The following WNT4 variants were observed in gnomAD, a reference collection of about 807,000 sequenced individuals.
WNT4 encodes Wnt family member 4, also known as protein Wnt-4.
Under a neutral mutation model 34.5 loss-of-function variants are expected in WNT4, and 16 were observed. The observed-to-expected ratio is 0.46, with a 90% CI of 0.31 to 0.70. WNT4 has a LOEUF of 0.70. Among genes scored for constraint, WNT4 ranks in the 30% least tolerant of loss-of-function variants. WNT4 has a pLI of 0.04. For missense variants in WNT4, 379 were observed against 495.9 expected, an observed-to-expected ratio of 0.76 and a Z score of 2.24; for synonymous variants, 200 against 211.9, an observed-to-expected ratio of 0.94 and a Z score of 0.49.
rs1252941062 is a variant in WNT4 at position 22,118,193 on chromosome 1, A to G, written c.*1857T>C. ...GAGGCACAAACCACAATGCCTGGAGAAGAGTTTCTGCAGGCTGGAGCCCAT... is the reference window on the plus strand; with the variant it reads ...GAGGCACAAACCACAATGCCTGGAGGAGAGTTTCTGCAGGCTGGAGCCCAT... On this transcript the variant is annotated 3_prime_UTR_variant, in exon 5 of 5. Coordinates refer to ENST00000290167, the MANE Select transcript of WNT4 (RefSeq NM_030761.5). The G allele has an allele frequency of 6.6e-6, 1 of 152,194 alleles. No homozygotes were observed. The highest frequency in any genetic ancestry group is 2.4e-5 in the African/African-American group (1 of 41,446). 9.4% of individuals were successfully genotyped at this position (152,194 alleles called of 1,614,324 possible). A position where few individuals can be genotyped will look rare whatever the true frequency, so the allele number is the denominator to read the frequency against.
At chr1:22,123,683 G>C (rs1645919443) in intron 2 of WNT4, among the ~76,000 whole-genome samples, 1 of 152,186 alleles carries the variant, frequency 6.6e-6, no homozygotes, top group South Asian at 2.1e-4. Context: ...GGAAGTGGTG[G>C]AGCTAGAATT....
At chr1:22,121,188 G>C (rs1440729684) in intron 4 of WNT4, 23 bp downstream of exon 4, 8 of 1,613,472 alleles carry the variant, frequency 5.0e-6, no homozygotes, top group Non-Finnish European at 5.9e-6. Context: ...CCCCGCTCTT[G>C]GTGGGGGGTA....
At chr1:22,129,897 T>C (rs1645970093) in intron 1 of WNT4, 46 bp from the exon 2 acceptor site, 7 of 1,604,834 alleles carry the variant, frequency 4.4e-6, no homozygotes, top group Non-Finnish European at 6.0e-6. Context: ...TCCTCATCTT[T>C]CCTGGCCCCG....
chr1:22,136,268 C>T (rs571998939), intron 1 of WNT4, among the ~76,000 whole-genome samples: 65 of 152,286 alleles, frequency 4.3e-4, no homozygotes, highest in African/African-American at 1.5e-3. Context: ...GGTCTGACCT[C>T]ACCTTGTCCC....
rs907113647 is a variant in WNT4 at position 22,118,170 on chromosome 1, G to A, written c.*1880C>T. The A allele has an allele frequency of 1.3e-5, 2 of 152,234 alleles. No homozygotes were observed. Among genetic ancestry groups the A allele is most frequent in the African/African-American group, 4.8e-5 (2 of 41,460 alleles). The allele number at this position is 152,234 out of a possible 1,614,324, so 9.4% of individuals were successfully genotyped here. On this transcript the variant is annotated 3_prime_UTR_variant, in exon 5 of 5. Transcript: ENST00000290167. ...TTTCATGAGGGAGCCAACACTAGGA[G>A]GCACAAACCACAATGCCTGGAGAAG...
chr1:22,129,482 C>T, intron 2 of WNT4, 134 bp downstream of exon 2: 1 of 1,096,836 alleles, frequency 9.1e-7, no homozygotes, highest in East Asian at 2.6e-5. Context: ...TTTATGCCCT[C>T]ACTTGGGTCC....
At chr1:22,121,679 C>G (rs1261209570) in intron 2 of WNT4, 103 bp from the exon 3 acceptor site, 2 of 1,530,982 alleles carry the variant, frequency 1.3e-6, no homozygotes, top group Non-Finnish European at 1.8e-6. Flanking sequence ...TTGCTGGAGG[C>G]CAGGAGGGAG....
intron 2 of WNT4, chr1:22,127,516 G>A (rs1220967515): frequency 1.9e-6 from 1 of 521,730 alleles, no homozygotes; most frequent in Non-Finnish European, 3.9e-6. Context: ...CATGAACCTT[G>A]CCTTCAAAGG....
intron 2 of WNT4, among the ~76,000 whole-genome samples, chr1:22,126,534 C>G (rs1195776132): frequency 6.6e-6 from 1 of 152,194 alleles, no homozygotes; most frequent in African/African-American, 2.4e-5. Flanking sequence ...AACTCAGTGT[C>G]ACGAGGATGA....
At chr1:22,122,585 A>G (rs1365429629) in intron 2 of WNT4, among the ~76,000 whole-genome samples, 1 of 152,034 alleles carries the variant, frequency 6.6e-6, no homozygotes, top group Non-Finnish European at 1.5e-5. Context: ...ACAGCAGACC[A>G]TGCTCCCCTC....
At chr1:22,138,005 C>CACCT (rs1646035792) in intron 1 of WNT4, among the ~76,000 whole-genome samples, 2 of 152,206 alleles carry the variant, frequency 1.3e-5, no homozygotes, top group Admixed American at 6.5e-5. Flanking sequence ...ATCGGCTGAG[C>CACCT]ACCTAGTACC....
intron 1 of WNT4, among the ~76,000 whole-genome samples, chr1:22,133,998 A>ATCTGCACCTCTGCGACTCC (rs1646002868): frequency 1.3e-5 from 2 of 152,250 alleles, no homozygotes; most frequent in African/African-American, 4.8e-5. Context: ...CTAGAGGAAA[A>ATCTGCACCTCTGCGACTCC]TCTGCACCTC....
intron 4 of WNT4, among the ~76,000 whole-genome samples, chr1:22,121,000 TG>T (rs1262862739): frequency 1.3e-5 from 2 of 152,006 alleles, no homozygotes; most frequent in Non-Finnish European, 2.9e-5. Flanking sequence ...GCCATATGTA[TG>T]GAGGGGGCCA....
At chr1:22,127,482 C>T (rs2235527) in intron 2 of WNT4, 3 of 531,806 alleles carry the variant, frequency 5.6e-6, no homozygotes, top group Non-Finnish European at 1.2e-5. Flanking sequence ...GCTTTGCCAC[C>T]TGCCAAGAAA....
Position 22,134,325 on chromosome 1 carries a change from G to T in WNT4, c.78-4474C>A, listed in dbSNP as rs967870016. On this transcript the variant is annotated intron_variant, in intron 1 of 4. Transcript: ENST00000290167. The surrounding 1 kb of genome is among the most constrained non-coding windows in gnomAD (Gnocchi z 4.1). Reference sequence around the variant, plus strand: ...GCTGCCTTGGGGGATGCGGGCCAGTGGGGGCGAAAGTGACCACAGTCCCCA... The same window carrying T: ...GCTGCCTTGGGGGATGCGGGCCAGTTGGGGCGAAAGTGACCACAGTCCCCA... Among the ~76,000 whole-genome samples the T allele has an allele frequency of 1.3e-5, 2 of 152,188 alleles. No homozygotes were observed. Among genetic ancestry groups the T allele is most frequent in the Non-Finnish European group, 1.5e-5 (1 of 68,024 alleles).
intron 1 of WNT4, among the ~76,000 whole-genome samples, chr1:22,131,683 A>G (rs1258078483): frequency 6.6e-6 from 1 of 152,230 alleles, no homozygotes; most frequent in Non-Finnish European, 1.5e-5. Context: ...CCTGGCTGTC[A>G]GCTGGGCACA....
chr1:22,119,731 C>T lies in WNT4; in HGVS notation c.*319G>A, dbSNP rs1645878320. The T allele has an allele frequency of 4.3e-6, 2 of 468,780 alleles. No individual in the cohort carries two copies. Among genetic ancestry groups the T allele is most frequent in the Non-Finnish European group, 7.9e-6 (2 of 254,726 alleles). 29.0% of individuals were successfully genotyped at this position (468,780 alleles called of 1,614,324 possible). Reference sequence around the variant, plus strand: ...TGTGGTGGTAATACTCCTTGTTACTCCACCTTAGGTCTGCAAGTAGAAAAA... The same window carrying T: ...TGTGGTGGTAATACTCCTTGTTACTTCACCTTAGGTCTGCAAGTAGAAAAA... On this transcript the variant is annotated 3_prime_UTR_variant, in exon 5 of 5. Transcript: ENST00000290167.
At position 22,142,846 on chromosome 1, in the gene WNT4, A is replaced by T; in HGVS notation, c.77T>A (p.Leu26Gln). ...CCCGCTCGGCCCCGGCCAGACTTAC[A>T]GCCAGTTGCTCGCGGCGGCTGAGAA... The part of the protein sequence containing the change: ...AVFSAAASNW[L>Q]YLAKLSSVGS... The change falls in exon 1 of 5, where the codon CTG becomes CAG. Residue 26 changes from leucine (L) to glutamine (Q), a missense_variant and splice_region_variant. This residue lies in a region of WNT4 where 66 missense variants were observed against 50.1 expected (regional missense o/e 1.32). Transcript: ENST00000290167. This position sits in a 1 kb window ranked among gnomAD's most constrained non-coding sequence, Gnocchi z 6.0. 8.3e-7 allele frequency: 1 copy of T among 1,209,596 alleles called. No individual in the cohort carries two copies. Among genetic ancestry groups the T allele is most frequent in the Non-Finnish European group, 1.1e-6 (1 of 945,954 alleles). The allele number at this position is 1,209,596 out of a possible 1,614,324, so 74.9% of individuals were successfully genotyped here. A position where few individuals can be genotyped will look rare whatever the true frequency, so the allele number is the denominator to read the frequency against.
In WNT4 at chr1:22,125,990, T is replaced by C. The variant is rs368292132; in HGVS notation, c.313+3626A>G. On this transcript the variant is annotated intron_variant, in intron 2 of 4. Coordinates refer to ENST00000290167, the MANE Select transcript of WNT4 (RefSeq NM_030761.5). Reference sequence around the variant, plus strand: ...TTTAATATTTGTTGATTACCTATTATGTGCAGGTCCTGTTCTAGGGCTTGG... The same window carrying C: ...TTTAATATTTGTTGATTACCTATTACGTGCAGGTCCTGTTCTAGGGCTTGG... 7.9e-5 allele frequency among the ~76,000 whole-genome samples: 12 copies of C among 152,386 alleles called. 1 individual carries two copies. In the East Asian group the frequency reaches 9.6e-4, roughly 12 times the overall value.
Sources: allele counts gnomAD v4.1 joint callset (sites outside exome capture counted in the v4.1 genomes callset), GRCh38; gene constraint gnomAD v4.1.1; regional missense constraint gnomAD v4.1.1; non-coding constraint Gnocchi (gnomAD v3.1); transcripts MANE v1.5; gene names NCBI Gene and HGNC (gene_info 2026-07-23, HGNC 2026-07-21).